RETREG1: variants seen among roughly 807,000 people sequenced by gnomAD.
RETREG1 encodes family with sequence similarity 134 member B.
Under a neutral mutation model 54.8 loss-of-function variants are expected in RETREG1, and 44 were observed. The observed-to-expected ratio is 0.80, with a 90% CI of 0.63 to 1.03. RETREG1 has a LOEUF of 1.03. Among genes scored for constraint, RETREG1 ranks in the 50% least tolerant of loss-of-function variants. The probability of loss-of-function intolerance (pLI) is 0.00; values close to 1 mark genes in which losing one functional copy is unlikely to be tolerated. For missense variants in RETREG1, 554 were observed against 605.1 expected (o/e 0.92, Z 0.89); for synonymous variants, 217 against 238.5 (o/e 0.91, Z 0.83).
intron 1 of RETREG1, among the ~76,000 whole-genome samples, chr5:16,573,807 C>T (rs1198646144): frequency 1.4e-5 from 2 of 144,260 alleles, no homozygotes; most frequent in Non-Finnish European, 3.0e-5. Context: ...TGCAGTGGCA[C>T]GATCTTGGCT....
chr5:16,521,850 T>C (rs1740543515), intron 3 of RETREG1, among the ~76,000 whole-genome samples: 2 of 152,244 alleles, frequency 1.3e-5, no homozygotes, highest in Admixed American at 1.3e-4. Context: ...TACCCAGTAG[T>C]TTTTGGAGAA....
chr5:16,481,231 G>A, intron 4 of RETREG1, 138 bp from the exon 5 acceptor site: 1 of 684,202 alleles, frequency 1.5e-6, no homozygotes, highest in Non-Finnish European at 2.6e-6. Flanking sequence ...TTTCCAAAGA[G>A]CATTATTTTG....
chr5:16,549,362 C>G (rs965090248), intron 3 of RETREG1, among the ~76,000 whole-genome samples: 1 of 152,166 alleles, frequency 6.6e-6, no homozygotes, highest in Non-Finnish European at 1.5e-5. Flanking sequence ...CACTTCCCCC[C>G]CTATTTCCAC....
chr5:16,549,009 A>G (rs1741461249), intron 3 of RETREG1, among the ~76,000 whole-genome samples: 1 of 152,244 alleles, frequency 6.6e-6, no homozygotes, highest in Non-Finnish European at 1.5e-5. Context: ...CAGAGCTGAA[A>G]GCCCTGTCCA....
At chr5:16,541,529 A>C (rs370254195) in intron 3 of RETREG1, among the ~76,000 whole-genome samples, 1 of 152,116 alleles carries the variant, frequency 6.6e-6, no homozygotes, top group East Asian at 1.9e-4. Context: ...TCTACTAAAA[A>C]TACAAAAATT....
At position 16,474,668 on chromosome 5, in the gene RETREG1, CCTT is replaced by C; in HGVS notation, c.*70_*72del. On this transcript the variant is annotated 3_prime_UTR_variant, in exon 9 of 9. Transcript: ENST00000306320. ...GCTTACAGTTCAATTTTTTTCTTTT[CCTT>C]TTTTTTTTTTTTTTCTTGTTTGAAA... 5.5e-6 allele frequency: 7 copies of C among 1,283,236 alleles called. No homozygotes were observed. Among genetic ancestry groups the C allele is most frequent in the Middle Eastern group, 1.9e-4 (1 of 5,232 alleles). 79.5% of individuals were successfully genotyped at this position (1,283,236 alleles called of 1,614,324 possible).
intron 1 of RETREG1, among the ~76,000 whole-genome samples, chr5:16,576,473 A>ATTTTTTATTTATTTAT: frequency 6.6e-6 from 1 of 150,488 alleles, no homozygotes; most frequent in South Asian, 2.1e-4. Context: ...TTGTATCTTT[A>ATTTTTTATTTATTTAT]TTTTTTATTT....
intron 3 of RETREG1, among the ~76,000 whole-genome samples, chr5:16,562,021 AG>A (rs1741868735): frequency 6.6e-6 from 1 of 152,204 alleles, no homozygotes; most frequent in Non-Finnish European, 1.5e-5. Flanking sequence ...AGGCATACAA[AG>A]CTTAAGACAC....
intron 3 of RETREG1, among the ~76,000 whole-genome samples, chr5:16,562,047 G>A (rs923376700): frequency 6.6e-6 from 1 of 152,202 alleles, no homozygotes; most frequent in Non-Finnish European, 1.5e-5. Context: ...GGGCACAGTG[G>A]CTCATGCCTG....
At position 16,497,864 on chromosome 5, in the gene RETREG1, T is replaced by G. The variant is rs1265735943; in HGVS notation, c.459-14392A>C. On this transcript the variant is annotated intron_variant, in intron 3 of 8. Transcript: ENST00000306320. ...AATGAAGTCATCAAACCCTCAACAC[T>G]TGCCTTATGGGACACAACAGCTTCC... Among the ~76,000 whole-genome samples, 5 of 152,154 alleles carry G rather than the reference T, an allele frequency of 3.3e-5. No individual in the cohort carries two copies. The South Asian group carries it at 6.2e-4, about 19-fold the overall frequency.
intron 3 of RETREG1, among the ~76,000 whole-genome samples, chr5:16,513,805 G>A (rs1740259667): frequency 6.6e-6 from 1 of 152,202 alleles, no homozygotes. Flanking sequence ...GAGCCTCTCA[G>A]TTGACTGAAA....
chr5:16,571,218 C>A (rs573664580), intron 2 of RETREG1, among the ~76,000 whole-genome samples: 6 of 152,162 alleles, frequency 3.9e-5, no homozygotes, highest in Admixed American at 6.5e-5. Context: ...ATAATCCAGG[C>A]AGCTCTGATG....
At chr5:16,576,531 G>A (rs926061125) in intron 1 of RETREG1, among the ~76,000 whole-genome samples, 1 of 151,926 alleles carries the variant, frequency 6.6e-6, no homozygotes, top group South Asian at 2.1e-4. Context: ...TGTTGCCCAG[G>A]CTGGAGTGCA....
chr5:16,507,384 AG>A (rs1313267078), intron 3 of RETREG1, among the ~76,000 whole-genome samples: 2 of 152,236 alleles, frequency 1.3e-5, no homozygotes, highest in East Asian at 3.9e-4. Flanking sequence ...AATGTCATGA[AG>A]GGGATACATA....
intron 3 of RETREG1, among the ~76,000 whole-genome samples, chr5:16,511,191 G>A (rs1358342277): frequency 1.3e-5 from 2 of 152,184 alleles, no homozygotes; most frequent in Admixed American, 1.3e-4. Flanking sequence ...AGCAAAAACT[G>A]TGCATCAAAT....
intron 3 of RETREG1, among the ~76,000 whole-genome samples, chr5:16,521,888 T>C (rs763429577): frequency 1.3e-5 from 2 of 152,252 alleles, no homozygotes; most frequent in Non-Finnish European, 2.9e-5. Context: ...ACTTTGCAGC[T>C]TGCAGCTCTG....
chr5:16,571,182 C>T lies in RETREG1; in HGVS notation c.427+814G>A, dbSNP rs552764670. Among the ~76,000 whole-genome samples the T allele has an allele frequency of 1.4e-3, 215 of 152,302 alleles. 2 individuals carry two copies. Among genetic ancestry groups the T allele is most frequent in the African/African-American group, 4.9e-3 (204 of 41,562 alleles). Reference sequence around the variant, plus strand: ...GAGGAGATGGGTGCCTCCCATAGGGCAGGCCTAGATATCCCTGCCAGGACT... The same window carrying T: ...GAGGAGATGGGTGCCTCCCATAGGGTAGGCCTAGATATCCCTGCCAGGACT... On this transcript the variant is annotated intron_variant, in intron 2 of 8. Transcript: ENST00000306320.
chr5:16,599,064 T>C (rs1742979359), intron 1 of RETREG1, among the ~76,000 whole-genome samples: 1 of 152,048 alleles, frequency 6.6e-6, no homozygotes, highest in South Asian at 2.1e-4. Flanking sequence ...AAAAATTAGC[T>C]GAGTGTGGTG....
intron 3 of RETREG1, among the ~76,000 whole-genome samples, chr5:16,543,294 C>T (rs6882868): frequency 4.9e-4 from 75 of 152,032 alleles, no homozygotes; most frequent in African/African-American, 1.7e-3. Flanking sequence ...CATTTACATG[C>T]GGACCTGTTT....
Sources: allele counts gnomAD v4.1 joint callset (sites outside exome capture counted in the v4.1 genomes callset), GRCh38; gene constraint gnomAD v4.1.1; transcripts MANE v1.5; gene names NCBI Gene and HGNC (gene_info 2026-07-23, HGNC 2026-07-21).